RBFOX1: variants seen among roughly 807,000 people sequenced by gnomAD.
The protein encoded by RBFOX1 is RNA binding fox-1 homolog 1, also known as RNA binding protein fox-1 homolog 1.
RBFOX1 carries 8 observed loss-of-function variants against 57.7 expected under a neutral mutation model. That is an observed-to-expected ratio of 0.14 (90% confidence interval 0.08 to 0.25). The LOEUF (loss-of-function observed/expected upper bound fraction) is 0.25. Among genes scored for constraint, RBFOX1 ranks in the 10% least tolerant of loss-of-function variants. The probability of loss-of-function intolerance (pLI) is 1.00; values close to 1 mark genes in which losing one functional copy is unlikely to be tolerated. For missense variants in RBFOX1, 611 were observed against 548.5 expected (o/e 1.11, Z -1.14); for synonymous variants, 326 against 222.4 (o/e 1.47, Z -4.15).
chr16:5,316,504 A>G (rs1218126187), intron 1 of RBFOX1, among the ~76,000 whole-genome samples: 1 of 152,192 alleles, frequency 6.6e-6, no homozygotes, highest in Non-Finnish European at 1.5e-5. Flanking sequence ...CCCCTCCACA[A>G]CGATAAACGT....
In RBFOX1 at chr16:6,691,392, C is replaced by T. The variant is rs148011031; in HGVS notation, c.-16+36742C>T. Reference sequence around the variant, plus strand: ...TCTTCTCTGTCCATTTCCACCTTCCCAATCCAAACTTGTCACTTTCAACAC... The same window carrying T: ...TCTTCTCTGTCCATTTCCACCTTCCTAATCCAAACTTGTCACTTTCAACAC... On this transcript the variant is annotated intron_variant, in intron 3 of 15. Transcript: ENST00000550418. 1.1e-3 allele frequency among the ~76,000 whole-genome samples: 161 copies of T among 152,284 alleles called. 1 individual carries two copies. The highest frequency in any genetic ancestry group is 3.8e-3 in the African/African-American group (159 of 41,574).
intron 1 of RBFOX1, chr16:5,366,201 A>G (rs2065710046): frequency 4.8e-6 from 2 of 418,062 alleles, no homozygotes. Context: ...ACTCTTAAGT[A>G]TATCTGGGAA....
At chr16:7,520,202 T>TA (rs1033647566) in intron 5 of RBFOX1, among the ~76,000 whole-genome samples, 2 of 152,074 alleles carry the variant, frequency 1.3e-5, no homozygotes, top group Non-Finnish European at 1.5e-5. Flanking sequence ...GAAGATTTTT[T>TA]AAAAAAATGG....
intron 3 of RBFOX1, among the ~76,000 whole-genome samples, chr16:6,695,413 CAAAAAAAAAA>C (rs71145278): frequency 0.012 from 1,301 of 109,110 alleles, 23 homozygotes; most frequent in East Asian, 0.043. Context: ...GAAACTCTGT[CAAAAAAAAAA>C]AAAAAAAAAA....
intron 14 of RBFOX1, among the ~76,000 whole-genome samples, chr16:7,688,248 TGTGTGTGTGTGTGAGA>T (rs1346621609): frequency 8.2e-5 from 8 of 97,244 alleles, no homozygotes; most frequent in Non-Finnish European, 1.7e-4. Flanking sequence ...TGTGTGTGTG[TGTGTGTGTGTGTGAGA>T]GAGAGAGAGA....
intron 3 of RBFOX1, among the ~76,000 whole-genome samples, chr16:5,827,759 G>A (rs1032413255): frequency 9.5e-4 from 144 of 152,136 alleles, no homozygotes; most frequent in African/African-American, 3.2e-3. Context: ...CTGGATGCAC[G>A]CCACTGTGTC....
At chr16:5,244,773 A>C (rs946923197) in intron 1 of RBFOX1, among the ~76,000 whole-genome samples, 36 of 152,222 alleles carry the variant, frequency 2.4e-4, no homozygotes, top group African/African-American at 8.7e-4. Context: ...CTGCCTGCGC[A>C]GGTTGGTGGA....
chr16:7,487,144 C>T (rs940257930), intron 4 of RBFOX1, among the ~76,000 whole-genome samples: 1 of 152,250 alleles, frequency 6.6e-6, no homozygotes, highest in African/African-American at 2.4e-5. Context: ...AGGTGATTTA[C>T]CCGCCTCGGC....
chr16:6,956,613 C>T (rs1034967219), intron 3 of RBFOX1, among the ~76,000 whole-genome samples: 3 of 152,190 alleles, frequency 2.0e-5, no homozygotes, highest in Admixed American at 1.3e-4. Flanking sequence ...TGGTTCAAAT[C>T]CACAGCCCGT....
intron 4 of RBFOX1, among the ~76,000 whole-genome samples, chr16:7,352,576 G>C (rs1309288844): frequency 1.3e-5 from 2 of 152,132 alleles, no homozygotes; most frequent in South Asian, 4.2e-4. Flanking sequence ...TCTCCAGGAA[G>C]AGTCATCCTG....
At chr16:6,301,447 C>G (rs1204168279) in intron 1 of RBFOX1, among the ~76,000 whole-genome samples, 4 of 151,960 alleles carry the variant, frequency 2.6e-5, no homozygotes, top group African/African-American at 7.3e-5. Flanking sequence ...GAAAATGATG[C>G]TTTTCTGATT....
intron 11 of RBFOX1, among the ~76,000 whole-genome samples, chr16:7,653,162 ATGAT>A (rs1226674952): frequency 1.3e-5 from 2 of 152,218 alleles, no homozygotes; most frequent in Non-Finnish European, 2.9e-5. Flanking sequence ...ACATAGGTAT[ATGAT>A]TGATAAGACA....
Position 6,816,729 on chromosome 16 carries a change from G to GGC in RBFOX1, c.-16+162079_-16+162080insGC, listed in dbSNP as rs1567379885. On this transcript the variant is annotated intron_variant, in intron 3 of 15. Transcript: ENST00000550418. ...CACTCCAGCCTGGGTGACAGAGCAAGACTGTCTCAAAAAAAAAAAAAAAAG... is the reference window on the plus strand; with the variant it reads ...CACTCCAGCCTGGGTGACAGAGCAAGGCACTGTCTCAAAAAAAAAAAAAAAAG... 1.1e-3 allele frequency among the ~76,000 whole-genome samples: 95 copies of GGC among 88,918 alleles called. 1 individual carries two copies. Among genetic ancestry groups the GGC allele is most frequent in the African/African-American group, 3.7e-3 (93 of 25,192 alleles). 58.3% of individuals were successfully genotyped at this position (88,918 alleles called of 152,430 possible). A position where few individuals can be genotyped will look rare whatever the true frequency, so the allele number is the denominator to read the frequency against.
chr16:5,550,537 G>C (rs922252230), intron 2 of RBFOX1, among the ~76,000 whole-genome samples: 1 of 152,152 alleles, frequency 6.6e-6, no homozygotes, highest in East Asian at 1.9e-4. Flanking sequence ...CAGATGCCCA[G>C]ACATTGTTAT....
chr16:7,500,205 G>A (rs886609244), intron 4 of RBFOX1, among the ~76,000 whole-genome samples: 1 of 152,206 alleles, frequency 6.6e-6, no homozygotes, highest in Non-Finnish European at 1.5e-5. Flanking sequence ...ATTGGGTGAT[G>A]TATAGGCTTA....
At chr16:7,280,070 A>G (rs921674369) in intron 4 of RBFOX1, among the ~76,000 whole-genome samples, 14 of 152,358 alleles carry the variant, frequency 9.2e-5, no homozygotes, top group African/African-American at 3.4e-4. Flanking sequence ...TATTCAAAAC[A>G]GATTGTGCCT....
intron 1 of RBFOX1, among the ~76,000 whole-genome samples, chr16:5,424,050 C>T (rs1348686594): frequency 6.6e-6 from 1 of 152,178 alleles, no homozygotes; most frequent in Admixed American, 6.5e-5. Flanking sequence ...AGGGACCCCT[C>T]GTGTTTCCTG....
chr16:5,856,006 A>AG (rs2057019588), intron 3 of RBFOX1, among the ~76,000 whole-genome samples: 1 of 127,670 alleles, frequency 7.8e-6, no homozygotes, highest in Non-Finnish European at 1.6e-5. Context: ...TGCTATCGTC[A>AG]ATAAGATTAC....
At chr16:6,072,517 T>A (rs1197969827) in intron 1 of RBFOX1, among the ~76,000 whole-genome samples, 2 of 152,214 alleles carry the variant, frequency 1.3e-5, no homozygotes, top group Non-Finnish European at 2.9e-5. Context: ...AATTTTTTTT[T>A]GAGAAACATT....
Sources: gnomAD v4.1 joint callset for allele counts (sites outside exome capture counted in the v4.1 genomes callset) on GRCh38, gnomAD v4.1.1 for gene constraint, MANE v1.5 for transcripts, NCBI Gene and HGNC (gene_info 2026-07-23, HGNC 2026-07-21) for gene names.